The following ABI1 variants were observed in gnomAD, a reference collection of about 807,000 sequenced individuals.
The protein encoded by ABI1 is abl interactor 1.
In ABI1, 14 loss-of-function variants were observed where a neutral mutation model predicts 54.6. That is an observed-to-expected ratio of 0.26 (90% CI 0.17 to 0.40). The LOEUF (loss-of-function observed/expected upper bound fraction) is 0.40, where lower values mean the gene tolerates loss of function less well. Ranked by LOEUF, ABI1 falls within the 10% of genes least tolerant of loss-of-function variation. The pLI is 1.00. For missense variants in ABI1, 443 were observed against 598.3 expected, an observed-to-expected ratio of 0.74 and a Z score of 2.71; for synonymous variants, 194 against 209.3, an observed-to-expected ratio of 0.93 and a Z score of 0.63.
intron 2 of ABI1, among the ~76,000 whole-genome samples, chr10:26,818,556 G>C (rs1448395338): frequency 4.1e-5 from 6 of 147,786 alleles, no homozygotes; most frequent in African/African-American, 1.5e-4. Context: ...GTGGGGGAAG[G>C]CAGGGGCAAA....
chr10:26,852,578 C>T (rs2050486633), intron 1 of ABI1, among the ~76,000 whole-genome samples: 1 of 152,260 alleles, frequency 6.6e-6, no homozygotes, highest in South Asian at 2.1e-4. Context: ...ATAATATATA[C>T]ATTTCTGATG....
At chr10:26,782,884 C>G (rs1842307849) in intron 2 of ABI1, among the ~76,000 whole-genome samples, 1 of 152,110 alleles carries the variant, frequency 6.6e-6, no homozygotes, top group East Asian at 1.9e-4. Context: ...GAAACTGGAG[C>G]CCTTGTGCAC....
chr10:26,806,207 A>C (rs2046866653), intron 2 of ABI1, among the ~76,000 whole-genome samples: 1 of 152,208 alleles, frequency 6.6e-6, no homozygotes, highest in South Asian at 2.1e-4. Context: ...GCACTGCAGA[A>C]GCTAAAAAGC....
At chr10:26,781,990 CCTGGAAA>C (rs2133004228) in intron 2 of ABI1, among the ~76,000 whole-genome samples, 1 of 152,258 alleles carries the variant, frequency 6.6e-6, no homozygotes, top group African/African-American at 2.4e-5. Context: ...ACTTATGAGT[CCTGGAAA>C]AGGACTCATT....
chr10:26,789,703 T>C (rs1843173548), intron 2 of ABI1, among the ~76,000 whole-genome samples: 1 of 152,174 alleles, frequency 6.6e-6, no homozygotes, highest in African/African-American at 2.4e-5. Flanking sequence ...TCATGGGTGT[T>C]TGTTGTACAG....
intron 3 of ABI1, among the ~76,000 whole-genome samples, chr10:26,774,114 A>C (rs1310488358): frequency 6.6e-6 from 1 of 152,214 alleles, no homozygotes; most frequent in Non-Finnish European, 1.5e-5. Flanking sequence ...TACGCATATA[A>C]CTAACACTAC....
intron 2 of ABI1, among the ~76,000 whole-genome samples, chr10:26,793,100 T>C (rs2133228095): frequency 6.6e-6 from 1 of 152,340 alleles, no homozygotes; most frequent in Non-Finnish European, 1.5e-5. Flanking sequence ...GCAAAGAACC[T>C]TGTACATAAG....
At chr10:26,767,107 A>G (rs1840057946) in intron 6 of ABI1, among the ~76,000 whole-genome samples, 1 of 152,242 alleles carries the variant, frequency 6.6e-6, no homozygotes, top group Non-Finnish European at 1.5e-5. Context: ...AATGCCTAGT[A>G]TCTAATGAAA....
chr10:26,829,927 A>G (rs1027097170), intron 1 of ABI1, among the ~76,000 whole-genome samples: 2 of 152,208 alleles, frequency 1.3e-5, no homozygotes, highest in African/African-American at 4.8e-5. Context: ...GTACAGTAGT[A>G]TAACCACCAT....
intron 2 of ABI1, among the ~76,000 whole-genome samples, chr10:26,804,794 C>T (rs1426299042): frequency 6.6e-6 from 1 of 152,092 alleles, no homozygotes; most frequent in Non-Finnish European, 1.5e-5. Flanking sequence ...CTTTATGACT[C>T]CAAAATACAC....
intron 2 of ABI1, among the ~76,000 whole-genome samples, chr10:26,785,237 C>T (rs1475422143): frequency 6.6e-6 from 1 of 152,182 alleles, no homozygotes; most frequent in Non-Finnish European, 1.5e-5. Context: ...AGGGTGAATA[C>T]TGTTGGAAGG....
At chr10:26,764,157 G>A (rs924957959) in intron 7 of ABI1, among the ~76,000 whole-genome samples, 8 of 152,268 alleles carry the variant, frequency 5.3e-5, no homozygotes, top group South Asian at 2.1e-4. Context: ...ATATGCCTAT[G>A]TTTATAAGTG....
In ABI1 at chr10:26,759,223, G is replaced by C; in HGVS notation, c.836C>G (p.Ala279Gly). 1 of 1,613,930 alleles carries C rather than the reference G, an allele frequency of 6.2e-7. No individual in the cohort carries two copies. The highest frequency in any genetic ancestry group is 8.5e-7 in the Non-Finnish European group (1 of 1,179,932). The change falls in exon 8 of 11, where the codon GCT becomes GGT. Residue 279 changes from alanine (A) to glycine (G), a missense_variant. By Grantham distance (60) the Ala-to-Gly change is moderately conservative. Around this residue, in one of 2 missense-constraint regions of ABI1, gnomAD observed 394 missense variants for 484.8 expected, o/e 0.81. Transcript: ENST00000376140. ...CATTGTGCCATACTGGGAACCAGGA[G>C]CTGAGCCCGGGGCTGCTGAAAAGCA... ...PTIGPAAPGS[A>G]PGSQYGTMTR...
intron 1 of ABI1, among the ~76,000 whole-genome samples, chr10:26,833,533 A>G (rs2048824813): frequency 6.6e-6 from 1 of 152,184 alleles, no homozygotes; most frequent in African/African-American, 2.4e-5. Context: ...ACATTTCAAC[A>G]CATAATCTGT....
At chr10:26,795,088 G>T (rs372089695) in intron 2 of ABI1, among the ~76,000 whole-genome samples, 4 of 151,214 alleles carry the variant, frequency 2.6e-5, no homozygotes, top group African/African-American at 9.7e-5. Flanking sequence ...AGATTGCAGT[G>T]AGCCAAGATC....
chr10:26,850,523 T>C (rs1349549617), intron 1 of ABI1, among the ~76,000 whole-genome samples: 1 of 152,072 alleles, frequency 6.6e-6, no homozygotes, highest in Non-Finnish European at 1.5e-5. Context: ...CCAGGTGTGG[T>C]GGCACATGCC....
intron 1 of ABI1, among the ~76,000 whole-genome samples, chr10:26,824,916 G>A (rs1224698205): frequency 1.3e-5 from 2 of 152,138 alleles, no homozygotes; most frequent in Admixed American, 1.3e-4. Context: ...TATTAAATGT[G>A]CGATAGTACT....
intron 1 of ABI1, among the ~76,000 whole-genome samples, chr10:26,831,796 T>C (rs2048695642): frequency 2.0e-5 from 3 of 152,336 alleles, no homozygotes; most frequent in Middle Eastern, 6.8e-3. Flanking sequence ...AGATTGAACA[T>C]TGTGTCAAGA....
chr10:26,764,314 C>T (rs1588789075), intron 7 of ABI1, among the ~76,000 whole-genome samples: 2 of 152,228 alleles, frequency 1.3e-5, no homozygotes, highest in South Asian at 4.1e-4. Context: ...TAATTCAATG[C>T]TCTCCAAGGA....
Sources: allele counts gnomAD v4.1 joint callset (sites outside exome capture counted in the v4.1 genomes callset), GRCh38; gene constraint gnomAD v4.1.1; regional missense constraint gnomAD v4.1.1; transcripts MANE v1.5; gene names NCBI Gene and HGNC (gene_info 2026-07-23, HGNC 2026-07-21).